The following EMX2 variants were observed in gnomAD, a reference collection of about 807,000 sequenced individuals.
EMX2 encodes the protein empty spiracles homeobox 2, also known as homeobox protein EMX2.
EMX2 carries 6 observed loss-of-function variants against 23.0 expected under a neutral mutation model. That is an observed-to-expected ratio of 0.26 (90% CI 0.14 to 0.52). The LOEUF (loss-of-function observed/expected upper bound fraction) is 0.52, where lower values mean the gene tolerates loss of function less well. Ranked by LOEUF, EMX2 falls within the 20% of genes least tolerant of loss-of-function variation. EMX2 has a pLI of 0.97. For missense variants in EMX2, 302 were observed against 341.4 expected, an observed-to-expected ratio of 0.88 and a Z score of 0.91; for synonymous variants, 175 against 153.3, an observed-to-expected ratio of 1.14 and a Z score of -1.04.
At position 117,543,191 on chromosome 10, in the gene EMX2, C is replaced by A. The variant is rs1385410186; in HGVS notation, c.-77C>A. ...CCCCAATTCTCGTCCGTCCTCGCCG[C>A]GGGCAGCGGGCGGCGGAGGCAGCGT... On this transcript the variant is annotated 5_prime_UTR_variant, in exon 1 of 3. Transcript: ENST00000553456. The A allele has an allele frequency of 1.4e-5, 18 of 1,317,670 alleles. No homozygotes were observed. The highest frequency in any genetic ancestry group is 1.7e-5 in the Non-Finnish European group (17 of 1,026,626). The allele number at this position is 1,317,670 out of a possible 1,614,324, so 81.6% of individuals were successfully genotyped here.
chr10:117,542,934 A>G lies in EMX2; in HGVS notation c.-334A>G, dbSNP rs1257704934. 927 of 157,180 alleles carry G rather than the reference A, an allele frequency of 5.9e-3. 12 individuals are homozygous for G. Among genetic ancestry groups the G allele is most frequent in the Non-Finnish European group, 9.7e-3 (758 of 77,758 alleles). The allele number at this position is 157,180 out of a possible 1,614,324, so 9.7% of individuals were successfully genotyped here. A position where few individuals can be genotyped will look rare whatever the true frequency, so the allele number is the denominator to read the frequency against. On this transcript the variant is annotated 5_prime_UTR_variant, in exon 1 of 3. Coordinates refer to ENST00000553456, the MANE Select transcript of EMX2 (RefSeq NM_004098.4). ...TCGCCAAAAAAAAAAAAAAAAAAAAAAAAGAAAAAAAAAGAAAAAAAAAGA... is the reference window on the plus strand; with the variant it reads ...TCGCCAAAAAAAAAAAAAAAAAAAAGAAAGAAAAAAAAAGAAAAAAAAAGA...
chr10:117,545,833 C>A lies in EMX2; in HGVS notation c.591+17C>A, dbSNP rs372251701. 2.1e-5 allele frequency: 34 copies of A among 1,613,440 alleles called. No homozygotes were observed. The highest frequency in any genetic ancestry group is 5.5e-5 in the South Asian group (5 of 91,086). ...GAAACTCAGGTGACTGCGGCCCGGG[C>A]GCGAGGAACCCATCTAGGCGTGCGC... On this transcript the variant is annotated intron_variant, in intron 2 of 2. Transcript: ENST00000553456.
Position 117,548,292 on chromosome 10 carries a change from G to A in EMX2, c.*60G>A, listed in dbSNP as rs550982379. ...TGGAGCAAAAGAGACAGGGAGAGGT[G>A]GAGAAGGAAAAAACCCTACAAAACA... is the stretch of plus-strand genomic sequence containing the variant. On this transcript the variant is annotated 3_prime_UTR_variant, in exon 3 of 3. Coordinates refer to ENST00000553456, the MANE Select transcript of EMX2 (RefSeq NM_004098.4). The A allele has an allele frequency of 3.8e-6, 6 of 1,592,834 alleles. No homozygotes were observed. In the Admixed American group the frequency reaches 8.8e-5, roughly 23 times the overall value.
intron 2 of EMX2, 55 bp from the exon 3 acceptor site, chr10:117,548,010 T>C: frequency 3.8e-6 from 6 of 1,563,936 alleles, no homozygotes. Flanking sequence ...ATCAGGCACT[T>C]GATAGAAGGG....
intron 2 of EMX2, among the ~76,000 whole-genome samples, chr10:117,547,471 C>T (rs1039093023): frequency 6.6e-6 from 1 of 152,218 alleles, no homozygotes; most frequent in African/African-American, 2.4e-5. Flanking sequence ...CCATCCCCTT[C>T]CTGCTCACCT....
chr10:117,546,163 G>A (rs947148352), intron 2 of EMX2, among the ~76,000 whole-genome samples: 1 of 152,198 alleles, frequency 6.6e-6, no homozygotes, highest in Non-Finnish European at 1.5e-5. Flanking sequence ...GAGCACAGTG[G>A]GGTTTCTGGG....
intron 2 of EMX2, 53 bp downstream of exon 2, chr10:117,545,869 A>G (rs1846571319): frequency 5.0e-6 from 8 of 1,609,686 alleles, no homozygotes; most frequent in African/African-American, 2.7e-5. Flanking sequence ...CCCCTCCCCA[A>G]AGCTGGCTCC....
intron 1 of EMX2, among the ~76,000 whole-genome samples, 185 bp from the exon 2 acceptor site, chr10:117,545,447 G>A (rs1354325414): frequency 2.0e-5 from 3 of 152,202 alleles, no homozygotes; most frequent in African/African-American, 7.2e-5. Context: ...CCGGCGTTCC[G>A]GGCCGGGCAG....
At chr10:117,548,017 A>T in intron 2 of EMX2, 48 bp from the exon 3 acceptor site, 1 of 1,574,034 alleles carries the variant, frequency 6.4e-7, no homozygotes, top group Non-Finnish European at 8.6e-7. Flanking sequence ...ACTTGATAGA[A>T]GGGTGCTCTG....
At chr10:117,543,734 G>C in intron 1 of EMX2, 61 bp downstream of exon 1, 1 of 1,611,812 alleles carries the variant, frequency 6.2e-7, no homozygotes, top group South Asian at 1.1e-5. Context: ...ACTGCCCCCG[G>C]CCTGCTCCGG....
intron 2 of EMX2, among the ~76,000 whole-genome samples, 174 bp downstream of exon 2, chr10:117,545,990 C>G (rs757542301): frequency 1.3e-5 from 2 of 152,218 alleles, no homozygotes; most frequent in Non-Finnish European, 2.9e-5. Context: ...CTTTGTTGGG[C>G]TCCAGAAAGG....
intron 1 of EMX2, 72 bp from the exon 2 acceptor site, chr10:117,545,560 C>G: frequency 6.3e-7 from 1 of 1,593,142 alleles, no homozygotes; most frequent in Non-Finnish European, 8.6e-7. Context: ...CGGGCCAGCC[C>G]GGCTCGGGAG....
intron 2 of EMX2, 76 bp from the exon 3 acceptor site, chr10:117,547,989 T>G: frequency 6.5e-7 from 1 of 1,543,370 alleles, no homozygotes; most frequent in African/African-American, 1.4e-5. Context: ...GAGTCTGGGC[T>G]GGGTGAAAGG....
At position 117,543,529 on chromosome 10, in the gene EMX2, G is replaced by T; in HGVS notation, c.262G>T (p.Val88Leu). The T allele has an allele frequency of 6.2e-7, 1 of 1,608,934 alleles. No individual in the cohort carries two copies. The highest frequency in any genetic ancestry group is 8.5e-7 in the Non-Finnish European group (1 of 1,178,222). Residue 88 changes from valine (V) to leucine (L), a missense_variant, in exon 1 of 3, where the codon GTG becomes TTG. Around this residue, in one of 4 missense-constraint regions of EMX2, gnomAD observed 221 missense variants for 206.8 expected, o/e 1.07. Transcript: ENST00000553456. ...PPNPAVPVHP[V>L]PPPHALAAHP... ...CAACCCCGCCGTGCCAGTGCACCCG[G>T]TGCCGCCGCCGCACGCCCTGGCCGC... is the stretch of plus-strand genomic sequence containing the variant.
chr10:117,547,977 T>C (rs374911059), intron 2 of EMX2, 88 bp from the exon 3 acceptor site: 2 of 1,528,742 alleles, frequency 1.3e-6, no homozygotes, highest in Non-Finnish European at 1.8e-6. Flanking sequence ...AGTCTGGAAC[T>C]GGAGTCTGGG....
In EMX2 at chr10:117,545,726, A is replaced by G; in HGVS notation, c.501A>G (p.Leu167=). Residue 167 remains leucine (L), a synonymous_variant, in exon 2 of 3, where the codon CTA becomes CTG. Transcript: ENST00000553456. ...CCGCCTTCTCCCCGTCCCAGCTTCT[A>G]AGGCTGGAACACGCCTTTGAGAAGA... ...IRTAFSPSQL[L]RLEHAFEKNH... is the part of the protein sequence containing the mutation. 1.2e-6 allele frequency: 2 copies of G among 1,614,064 alleles called. No homozygotes were observed. The highest frequency in any genetic ancestry group is 1.7e-6 in the Non-Finnish European group (2 of 1,180,036).
In EMX2 at chr10:117,548,548, A is replaced by AAG. The variant is rs34929200; in HGVS notation, c.*340_*341dup. On this transcript the variant is annotated 3_prime_UTR_variant, in exon 3 of 3. Transcript: ENST00000553456. ...GGAGGGAGAGAGAGAAAGAGAGAGA[A>AAG]AGAGAGAGAGAGAGAGAGAGAGAGA... The AAG allele has an allele frequency of 2.4e-4, 112 of 465,832 alleles. No homozygotes were observed. The highest frequency in any genetic ancestry group is 3.2e-4 in the African/African-American group (16 of 49,436). The allele number at this position is 465,832 out of a possible 1,614,324, so 28.9% of individuals were successfully genotyped here.
At position 117,542,933 on chromosome 10, in the gene EMX2, A is replaced by G. The variant is rs1254101748; in HGVS notation, c.-335A>G. 1,656 of 154,154 alleles carry G rather than the reference A, an allele frequency of 0.011. 70 individuals are homozygous for G. The highest frequency in any genetic ancestry group is 0.046 in the African/African-American group (1,581 of 34,494). 9.5% of individuals were successfully genotyped at this position (154,154 alleles called of 1,614,324 possible). On this transcript the variant is annotated 5_prime_UTR_variant, in exon 1 of 3. Transcript: ENST00000553456. ...CTCGCCAAAAAAAAAAAAAAAAAAA[A>G]AAAAGAAAAAAAAAGAAAAAAAAAG...
Position 117,543,609 on chromosome 10 carries a change from G to C in EMX2, c.342G>C (p.Arg114=). The C allele has an allele frequency of 6.2e-7, 1 of 1,613,462 alleles. No individual in the cohort carries two copies. Among genetic ancestry groups the C allele is most frequent in the Non-Finnish European group, 8.5e-7 (1 of 1,179,702 alleles). ...ACCCCCTATTCGCCTCGCAGCAGCG[G>C]GATCCGTCCACCTTCTACCCCTGGC... The part of the protein sequence containing the change: ...SPHPLFASQQ[R]DPSTFYPWLI... Residue 114 remains arginine, a synonymous_variant, in exon 1 of 3, where the codon CGG becomes CGC. Coordinates refer to ENST00000553456, the MANE Select transcript of EMX2 (RefSeq NM_004098.4).
Sources: allele counts gnomAD v4.1 joint callset (sites outside exome capture counted in the v4.1 genomes callset), GRCh38; gene constraint gnomAD v4.1.1; regional missense constraint gnomAD v4.1.1; transcripts MANE v1.5; gene names NCBI Gene and HGNC (gene_info 2026-07-23, HGNC 2026-07-21).